Variants in COPG2 observed in about 807,000 individuals in gnomAD.
COPG2 encodes coat protein complex I subunit gamma 2, also known as coatomer subunit gamma-2.
COPG2 carries 37 observed loss-of-function variants against 46.3 expected under a neutral mutation model. The observed-to-expected ratio is 0.80, with a 90% CI of 0.61 to 1.05. COPG2 has a LOEUF of 1.05. COPG2 is among the 50% of genes least tolerant of loss of function. COPG2 has a pLI of 0.00. For missense variants in COPG2, 427 were observed against 387.8 expected (o/e 1.10, Z -0.85); for synonymous variants, 159 against 129.7 (o/e 1.23, Z -1.53).
intron 5 of COPG2, among the ~76,000 whole-genome samples, chr7:130,621,252 G>A (rs1795034368): frequency 6.6e-6 from 1 of 152,162 alleles, no homozygotes; most frequent in Non-Finnish European, 1.5e-5. Context: ...TCAAACCGGT[G>A]AAACTGATTT....
At chr7:130,603,210 A>G (rs1794670340) in intron 9 of COPG2, among the ~76,000 whole-genome samples, 2 of 152,194 alleles carry the variant, frequency 1.3e-5, no homozygotes, top group South Asian at 4.1e-4. Context: ...CTAACTTTCA[A>G]TACCACAGGT....
At chr7:130,573,068 T>C (rs1793936123) in intron 9 of COPG2, among the ~76,000 whole-genome samples, 1 of 151,898 alleles carries the variant, frequency 6.6e-6, no homozygotes. Context: ...TATGAGGAAC[T>C]ATTATGAACA....
intron 5 of COPG2, among the ~76,000 whole-genome samples, chr7:130,641,885 G>A (rs1328384345): frequency 2.6e-5 from 4 of 152,118 alleles, no homozygotes; most frequent in African/African-American, 9.7e-5. Context: ...TTTCAAAACT[G>A]CCTAGCTGAT....
At chr7:130,513,366 T>TAC (rs1799641510) in intron 20 of COPG2, among the ~76,000 whole-genome samples, 1 of 48,720 alleles carries the variant, frequency 2.1e-5, no homozygotes, top group African/African-American at 4.4e-5. Context: ...TGTGTATATA[T>TAC]ATATATATAT....
intron 20 of COPG2, among the ~76,000 whole-genome samples, chr7:130,545,639 T>C (rs1443678622): frequency 1.3e-5 from 2 of 152,164 alleles, no homozygotes; most frequent in African/African-American, 4.8e-5. Context: ...AGTAGGTATA[T>C]GATGGGTCAA....
At chr7:130,634,443 T>TA (rs1554455786) in intron 5 of COPG2, among the ~76,000 whole-genome samples, 1 of 152,160 alleles carries the variant, frequency 6.6e-6, no homozygotes, top group African/African-American at 2.4e-5. Flanking sequence ...TCCCATCCCT[T>TA]ATAAGTTGAA....
rs1222917127 is a variant in COPG2 at position 130,531,459 on chromosome 7, A to G, written c.2149+16215T>C. 2.0e-5 allele frequency among the ~76,000 whole-genome samples: 3 copies of G among 152,058 alleles called. No homozygotes were observed. The East Asian group carries it at 5.8e-4, about 29-fold the overall frequency. On this transcript the variant is annotated intron_variant, in intron 20 of 23. Transcript: ENST00000425248. Reference sequence around the variant, plus strand: ...TACCACAAAAGTGGTGATTAAGGAAAAGGGACAATAGTCAACACCCAGAAG... The same window carrying G: ...TACCACAAAAGTGGTGATTAAGGAAGAGGGACAATAGTCAACACCCAGAAG...
intron 20 of COPG2, among the ~76,000 whole-genome samples, chr7:130,542,237 G>C (rs1392249172): frequency 4.0e-5 from 6 of 149,292 alleles, no homozygotes; most frequent in Non-Finnish European, 7.4e-5. Context: ...GGAGGAGAAA[G>C]CATGGTGTGG....
rs1799476354 is a variant in COPG2 at position 130,506,268 on chromosome 7, T to C, written c.*408A>G. On this transcript the variant is annotated 3_prime_UTR_variant, in exon 24 of 24. Coordinates refer to ENST00000425248, the MANE Select transcript of COPG2 (RefSeq NM_012133.6). ...AACTGGAATAAGTGTTTATTTTCTATTAATAAAAATGAATTGTGACAAAAG... is the reference window on the plus strand; with the variant it reads ...AACTGGAATAAGTGTTTATTTTCTACTAATAAAAATGAATTGTGACAAAAG... The C allele has an allele frequency of 6.6e-6, 1 of 152,126 alleles. No homozygotes were observed. 9.4% of individuals were successfully genotyped at this position (152,126 alleles called of 1,614,324 possible).
intron 9 of COPG2, among the ~76,000 whole-genome samples, chr7:130,599,796 T>C (rs1345548387): frequency 6.6e-6 from 1 of 152,184 alleles, no homozygotes; most frequent in Non-Finnish European, 1.5e-5. Context: ...ATAATCATGA[T>C]CAAGGAGGAT....
At chr7:130,563,067 A>C (rs948742239) in intron 11 of COPG2, among the ~76,000 whole-genome samples, 21,967 of 152,208 alleles carry the variant, frequency 0.14, 2,882 homozygotes, top group African/African-American at 0.35. Context: ...TAAAATGCTT[A>C]GAAGTCAGAA....
intron 9 of COPG2, among the ~76,000 whole-genome samples, chr7:130,602,640 T>A (rs941947316): frequency 3.9e-5 from 6 of 152,026 alleles, no homozygotes; most frequent in Non-Finnish European, 5.9e-5. Context: ...CCCAGCTAAT[T>A]TTTGTATTTT....
At chr7:130,516,905 G>T (rs1283170828) in intron 20 of COPG2, among the ~76,000 whole-genome samples, 3 of 152,154 alleles carry the variant, frequency 2.0e-5, no homozygotes, top group African/African-American at 7.2e-5. Flanking sequence ...TGAAAGTGTA[G>T]GCAGATCTGA....
intron 9 of COPG2, among the ~76,000 whole-genome samples, chr7:130,586,752 G>A (rs1343046171): frequency 2.0e-5 from 3 of 151,796 alleles, no homozygotes; most frequent in African/African-American, 4.8e-5. Flanking sequence ...GTGAGCCACC[G>A]TGCCCAGCCA....
intron 20 of COPG2, among the ~76,000 whole-genome samples, chr7:130,526,209 C>T (rs1215414347): frequency 6.6e-6 from 1 of 152,022 alleles, no homozygotes; most frequent in East Asian, 1.9e-4. Context: ...TGGCCTGAAT[C>T]AGTGGAAGAT....
At chr7:130,526,011 G>A (rs937040983) in intron 20 of COPG2, among the ~76,000 whole-genome samples, 5 of 152,178 alleles carry the variant, frequency 3.3e-5, no homozygotes, top group Non-Finnish European at 5.9e-5. Context: ...GGGCAGGGAT[G>A]CATCAGCTCA....
chr7:130,548,782 G>GT (rs1448849141), intron 18 of COPG2, among the ~76,000 whole-genome samples: 2,550 of 152,176 alleles, frequency 0.017, 67 homozygotes, highest in African/African-American at 0.059. Context: ...GTCAGGCGTG[G>GT]TGGCAGGCGC....
At chr7:130,621,611 C>A (rs1795039453) in intron 5 of COPG2, among the ~76,000 whole-genome samples, 1 of 152,020 alleles carries the variant, frequency 6.6e-6, no homozygotes, top group Non-Finnish European at 1.5e-5. Flanking sequence ...GGGTTCAAGA[C>A]CAGCCTGACC....
chr7:130,636,469 G>C (rs185020727), intron 5 of COPG2, among the ~76,000 whole-genome samples: 1 of 150,690 alleles, frequency 6.6e-6, no homozygotes, highest in Non-Finnish European at 1.5e-5. Flanking sequence ...ATTATGTAAT[G>C]CCTTTCTTTG....
Sources: gnomAD v4.1 joint callset for allele counts (sites outside exome capture counted in the v4.1 genomes callset) on GRCh38, gnomAD v4.1.1 for gene constraint, MANE v1.5 for transcripts, NCBI Gene and HGNC (gene_info 2026-07-23, HGNC 2026-07-21) for gene names.